RFX7: variants seen among roughly 807,000 people sequenced by gnomAD.
RFX7 encodes the protein regulatory factor X7.
In RFX7, 26 loss-of-function variants were observed where a neutral mutation model predicts 111.8. The ratio of observed to expected loss-of-function variants is 0.23; its 90% CI spans 0.17 to 0.32. RFX7 has a LOEUF of 0.32. RFX7 is among the 10% of genes least tolerant of loss of function. The pLI, the probability that RFX7 is intolerant of heterozygous loss-of-function variation, is 1.00. For missense variants in RFX7, 1,573 were observed against 1,772.9 expected, an observed-to-expected ratio of 0.89 and a Z score of 2.02; for synonymous variants, 624 against 624.4, an observed-to-expected ratio of 1.00 and a Z score of 0.01.
intron 3 of RFX7, among the ~76,000 whole-genome samples, chr15:56,160,122 C>G (rs1395524218): frequency 6.6e-6 from 1 of 152,092 alleles, no homozygotes; most frequent in Non-Finnish European, 1.5e-5. Flanking sequence ...AAGAGCATAA[C>G]AATTAGTACT....
chr15:56,192,421 G>T, intron 2 of RFX7: 1 of 222,642 alleles, frequency 4.5e-6, no homozygotes, highest in Non-Finnish European at 9.7e-6. Flanking sequence ...TTCAAGGATG[G>T]GCTGGGCTGA....
intron 3 of RFX7, among the ~76,000 whole-genome samples, chr15:56,150,961 G>C (rs2042561430): frequency 6.6e-6 from 1 of 151,730 alleles, no homozygotes; most frequent in African/African-American, 2.4e-5. Flanking sequence ...CAGAAGAAAG[G>C]ATATCAGCTG....
At chr15:56,119,776 C>CAAAAA (rs1207159378) in intron 5 of RFX7, among the ~76,000 whole-genome samples, 1 of 65,260 alleles carries the variant, frequency 1.5e-5, no homozygotes, top group Non-Finnish European at 3.4e-5. Context: ...CACTGTGTCT[C>CAAAAA]AAAAAAAAAA....
chr15:56,238,834 AT>A (rs1286959086), intron 2 of RFX7, among the ~76,000 whole-genome samples: 1 of 151,940 alleles, frequency 6.6e-6, no homozygotes, highest in African/African-American at 2.4e-5. Context: ...TTTATTTATT[AT>A]TTTTAGTTTT....
intron 5 of RFX7, among the ~76,000 whole-genome samples, chr15:56,119,622 C>CA (rs1393327975): frequency 7.3e-5 from 11 of 150,296 alleles, no homozygotes; most frequent in South Asian, 4.2e-4. Context: ...ACTAAAAATA[C>CA]AAAAAAAAAT....
intron 8 of RFX7, among the ~76,000 whole-genome samples, chr15:56,099,144 G>A (rs2041720024): frequency 6.6e-6 from 1 of 152,130 alleles, no homozygotes; most frequent in Admixed American, 6.5e-5. Context: ...TTCAGATTTA[G>A]GGCGTGGCAT....
At chr15:56,140,355 T>A (rs552997276) in intron 5 of RFX7, among the ~76,000 whole-genome samples, 170 of 149,842 alleles carry the variant, frequency 1.1e-3, no homozygotes, top group African/African-American at 4.1e-3. Flanking sequence ...AAGCGCAGTA[T>A]TCGGGTGGGA....
intron 5 of RFX7, among the ~76,000 whole-genome samples, chr15:56,118,365 G>A (rs1337416226): frequency 6.6e-6 from 1 of 151,636 alleles, no homozygotes; most frequent in Non-Finnish European, 1.5e-5. Flanking sequence ...CAAGCCTCTG[G>A]TAACCATCAT....
chr15:56,234,088 A>G (rs1216392304), intron 2 of RFX7, among the ~76,000 whole-genome samples: 1 of 152,176 alleles, frequency 6.6e-6, no homozygotes, highest in African/African-American at 2.4e-5. Context: ...ATTTTTCATT[A>G]AGGCCACTAT....
At position 56,087,792 on chromosome 15, in the gene RFX7, C is replaced by T. The variant is rs2041546506; in HGVS notation, c.*5553G>A. On this transcript the variant is annotated 3_prime_UTR_variant, in exon 10 of 10. Transcript: ENST00000559447. ...TCAAAATGGCAGGTGTCTTCTCTAG[C>T]ACCTTGTACAGAGACTGACATATTT... The T allele has an allele frequency of 9.0e-6, 3 of 333,350 alleles. No individual in the cohort carries two copies. Among genetic ancestry groups the T allele is most frequent in the Non-Finnish European group, 1.8e-5 (3 of 168,436 alleles). The allele number at this position is 333,350 out of a possible 1,614,324, so 20.6% of individuals were successfully genotyped here. A position where few individuals can be genotyped will look rare whatever the true frequency, so the allele number is the denominator to read the frequency against.
rs866219414 is a variant in RFX7 at position 56,239,604 on chromosome 15, G to A, written c.161+3521C>T. Reference sequence around the variant, plus strand: ...TAAATAATTTTGTGTGTGATACAATGAAGTCAGGTGTGGAATTTTTCACTT... The same window carrying A: ...TAAATAATTTTGTGTGTGATACAATAAAGTCAGGTGTGGAATTTTTCACTT... On this transcript the variant is annotated intron_variant, in intron 2 of 9. Coordinates refer to ENST00000559447, the MANE Select transcript of RFX7 (RefSeq NM_022841.7). 2.0e-5 allele frequency among the ~76,000 whole-genome samples: 3 copies of A among 152,150 alleles called. No homozygotes were observed. In the South Asian group the frequency reaches 6.2e-4, roughly 32 times the overall value.
intron 3 of RFX7, among the ~76,000 whole-genome samples, chr15:56,169,966 T>C (rs961598095): frequency 3.3e-5 from 5 of 152,126 alleles, no homozygotes; most frequent in Admixed American, 2.0e-4. Context: ...TCTTTACTTA[T>C]TGGCAAACCA....
At chr15:56,141,931 G>T (rs1233123393) in intron 5 of RFX7, among the ~76,000 whole-genome samples, 1 of 151,542 alleles carries the variant, frequency 6.6e-6, no homozygotes, top group Non-Finnish European at 1.5e-5. Flanking sequence ...TGTTTCTTTT[G>T]GTGAGGTAGT....
intron 3 of RFX7, among the ~76,000 whole-genome samples, chr15:56,158,924 G>A (rs763758771): frequency 6.6e-5 from 10 of 152,110 alleles, no homozygotes; most frequent in Admixed American, 1.3e-4. Context: ...GTGCAATAGG[G>A]CACTACAGCT....
chr15:56,126,223 A>T (rs1167512288), intron 5 of RFX7, among the ~76,000 whole-genome samples: 1 of 152,246 alleles, frequency 6.6e-6, no homozygotes, highest in African/African-American at 2.4e-5. Flanking sequence ...ACTCCTCCAT[A>T]AAACAATGGA....
At position 56,090,348 on chromosome 15, in the gene RFX7, T is replaced by C. The variant is rs796973999; in HGVS notation, c.*2997A>G. 4 of 152,216 alleles carry C rather than the reference T, an allele frequency of 2.6e-5. No homozygotes were observed. Among genetic ancestry groups the C allele is most frequent in the African/African-American group, 9.6e-5 (4 of 41,458 alleles). 9.4% of individuals were successfully genotyped at this position (152,216 alleles called of 1,614,324 possible). ...AAGTGAACAACAGAGTTTTGATGAA[T>C]GAACTAAGATCTGTGTATTCTTCTG... On this transcript the variant is annotated 3_prime_UTR_variant, in exon 10 of 10. Transcript: ENST00000559447.
At chr15:56,116,051 A>G (rs1395406618) in intron 5 of RFX7, among the ~76,000 whole-genome samples, 1 of 152,236 alleles carries the variant, frequency 6.6e-6, no homozygotes, top group Non-Finnish European at 1.5e-5. Flanking sequence ...AGGGGCCTTG[A>G]CCCAGTAAAT....
chr15:56,131,355 C>T (rs1385243678), intron 5 of RFX7, among the ~76,000 whole-genome samples: 1 of 111,406 alleles, frequency 9.0e-6, no homozygotes, highest in African/African-American at 3.4e-5. Context: ...GCCGCCTCCA[C>T]CTCCTGAGCT....
intron 3 of RFX7, among the ~76,000 whole-genome samples, chr15:56,166,849 G>A (rs760948200): frequency 6.6e-6 from 1 of 152,092 alleles, no homozygotes; most frequent in African/African-American, 2.4e-5. Flanking sequence ...GAACTCCTGA[G>A]CTCAAGTAAT....
Sources: allele counts gnomAD v4.1 joint callset (sites outside exome capture counted in the v4.1 genomes callset), GRCh38; gene constraint gnomAD v4.1.1; transcripts MANE v1.5; gene names NCBI Gene and HGNC (gene_info 2026-07-23, HGNC 2026-07-21).